ARID3A: variants seen among roughly 807,000 people sequenced by gnomAD.
ARID3A encodes the protein AT-rich interaction domain 3A.
Under a neutral mutation model 52.7 loss-of-function variants are expected in ARID3A, and 11 were observed. That is an observed-to-expected ratio of 0.21 (90% CI 0.13 to 0.35). The LOEUF is 0.35. Ranked by LOEUF, ARID3A falls within the 10% of genes least tolerant of loss-of-function variation. The pLI, the probability that ARID3A is intolerant of heterozygous loss-of-function variation, is 1.00. For synonymous variants in ARID3A, 404 were observed against 359.4 expected, an observed-to-expected ratio of 1.12 and a Z score of -1.40; for missense variants, 721 against 838.5, an observed-to-expected ratio of 0.86 and a Z score of 1.73.
In ARID3A at chr19:947,360, A is replaced by G. The variant is rs113603220; in HGVS notation, c.694-12732A>G. ...TGGGGCTGCCTCCTGCCTCCTCTGC[A>G]CCAACTTTCTGGAAGTGCCTGTCAG... On this transcript the variant is annotated intron_variant, in intron 3 of 8. Coordinates refer to ENST00000263620, the MANE Select transcript of ARID3A (RefSeq NM_005224.3). This position sits in a 1 kb window ranked among gnomAD's most constrained non-coding sequence, Gnocchi z 6.3. Among the ~76,000 whole-genome samples the G allele has an allele frequency of 5.3e-5, 8 of 152,188 alleles. 1 individual carries two copies. Among genetic ancestry groups the G allele is most frequent in the African/African-American group, 1.9e-4 (8 of 41,526 alleles).
At position 944,024 on chromosome 19, in the gene ARID3A, A is replaced by G. The variant is rs1428350309; in HGVS notation, c.693+11282A>G. On this transcript the variant is annotated intron_variant, in intron 3 of 8. Coordinates refer to ENST00000263620, the MANE Select transcript of ARID3A (RefSeq NM_005224.3). The surrounding 1 kb of genome is among the most constrained non-coding windows in gnomAD (Gnocchi z 5.9). ...TGGGCACTTATGGGGCACCTGTTGTATGCCAGCCTGACCCTCTCATGGGCA... is the reference window on the plus strand; with the variant it reads ...TGGGCACTTATGGGGCACCTGTTGTGTGCCAGCCTGACCCTCTCATGGGCA... Among the ~76,000 whole-genome samples, 1 of 143,180 alleles carries G rather than the reference A, an allele frequency of 7.0e-6. No homozygotes were observed. Among genetic ancestry groups the G allele is most frequent in the African/African-American group, 2.7e-5 (1 of 37,360 alleles). 93.9% of individuals were successfully genotyped at this position (143,180 alleles called of 152,430 possible).
chr19:956,118 C>T (rs1434617027), intron 3 of ARID3A, among the ~76,000 whole-genome samples: 1 of 152,154 alleles, frequency 6.6e-6, no homozygotes, highest in Non-Finnish European at 1.5e-5. Context: ...AATAACGTCT[C>T]GTTCTGAGGT....
chr19:934,471 T>G (rs2037398839), intron 3 of ARID3A, among the ~76,000 whole-genome samples: 1 of 152,104 alleles, frequency 6.6e-6, no homozygotes, highest in African/African-American at 2.4e-5. Flanking sequence ...GGGTTGTAGG[T>G]GCCATGTGGG....
chr19:945,414 C>T (rs2037657700), intron 3 of ARID3A, among the ~76,000 whole-genome samples: 1 of 151,862 alleles, frequency 6.6e-6, no homozygotes, highest in African/African-American at 2.4e-5. Flanking sequence ...CCACCTCCGT[C>T]TGCTCCCTAG....
At chr19:970,761 C>T (rs570588374) in intron 8 of ARID3A, among the ~76,000 whole-genome samples, 3 of 152,082 alleles carry the variant, frequency 2.0e-5, no homozygotes, top group South Asian at 4.2e-4. Flanking sequence ...GCATTAGCCA[C>T]CACACCCGGC....
rs765089644 is a variant in ARID3A, at chr19:959,773, G to A, written c.694-319G>A. Among the ~76,000 whole-genome samples the A allele has an allele frequency of 7.2e-5, 11 of 152,200 alleles. 1 individual carries two copies. In the East Asian group the frequency reaches 1.2e-3, roughly 16 times the overall value. On this transcript the variant is annotated intron_variant, in intron 3 of 8. Coordinates refer to ENST00000263620, the MANE Select transcript of ARID3A (RefSeq NM_005224.3). This position sits in a 1 kb window ranked among gnomAD's most constrained non-coding sequence, Gnocchi z 5.0. ...ACGGAGGCAGAGACTGGAGCGCTGC[G>A]GCCACAAGCCAGGACGCACCTTGAT...
chr19:945,762 G>A (rs1460505470), intron 3 of ARID3A, among the ~76,000 whole-genome samples: 2 of 152,180 alleles, frequency 1.3e-5, no homozygotes, highest in African/African-American at 2.4e-5. Context: ...CGACATGGCC[G>A]GGGCAGGCGT....
rs1313144160 is a variant in ARID3A, at chr19:975,564, G to T, written c.*3499G>T. The T allele has an allele frequency of 4.9e-6, 1 of 202,318 alleles. No homozygotes were observed. The highest frequency in any genetic ancestry group is 1.0e-5 in the Non-Finnish European group (1 of 99,038). 12.5% of individuals were successfully genotyped at this position (202,318 alleles called of 1,614,324 possible). The stretch of plus-strand genomic sequence containing the variant: ...CTCTGGAGTTTGTCAGACGGCGTGG[G>T]AACCACGCCTGAAACTCAGGTAATA... On this transcript the variant is annotated 3_prime_UTR_variant, in exon 9 of 9. Coordinates refer to ENST00000263620, the MANE Select transcript of ARID3A (RefSeq NM_005224.3).
rs1445244471 is a variant in ARID3A, at chr19:947,507, G to C, written c.694-12585G>C. Reference sequence around the variant, plus strand: ...CGGTCAGCGTCTCCTCCCTGAGCAAGGGACTCCCCCATCCATGTCTCAGCC... The same window carrying C: ...CGGTCAGCGTCTCCTCCCTGAGCAACGGACTCCCCCATCCATGTCTCAGCC... On this transcript the variant is annotated intron_variant, in intron 3 of 8. Transcript: ENST00000263620. This position sits in a 1 kb window ranked among gnomAD's most constrained non-coding sequence, Gnocchi z 6.3. Among the ~76,000 whole-genome samples the C allele has an allele frequency of 6.6e-6, 1 of 152,140 alleles. No homozygotes were observed. The highest frequency in any genetic ancestry group is 1.5e-5 in the Non-Finnish European group (1 of 68,020).
At position 944,509 on chromosome 19, in the gene ARID3A, G is replaced by T. The variant is rs879870228; in HGVS notation, c.693+11767G>T. On this transcript the variant is annotated intron_variant, in intron 3 of 8. Transcript: ENST00000263620. This position sits in a 1 kb window ranked among gnomAD's most constrained non-coding sequence, Gnocchi z 5.9. ...CCTTGACCCATCTCAGGGGCACCAC[G>T]CTCACTGCTACAAATGTGGGTCTTC... 1.3e-5 allele frequency among the ~76,000 whole-genome samples: 2 copies of T among 152,136 alleles called. No individual in the cohort carries two copies. Among genetic ancestry groups the T allele is most frequent in the African/African-American group, 2.4e-5 (1 of 41,428 alleles).
chr19:948,433 C>T (rs978757744), intron 3 of ARID3A, among the ~76,000 whole-genome samples: 2 of 152,136 alleles, frequency 1.3e-5, no homozygotes, highest in Admixed American at 6.5e-5. Context: ...CCCGGGGCCG[C>T]GGTCCTGCGG....
chr19:937,784 G>A (rs1017437916), intron 3 of ARID3A, among the ~76,000 whole-genome samples: 2 of 140,094 alleles, frequency 1.4e-5, no homozygotes, highest in African/African-American at 5.4e-5. Flanking sequence ...TCGGCTCACT[G>A]CAACCTCCAC....
rs140797776 is a variant in ARID3A, at chr19:968,451, C to T, written c.1542C>T (p.Asn514=). ...QDSAVNLTGT[N]GSNSISMSVE... ...CTGCTGTGAACCTGACGGGCACCAA[C>T]GGCAGCAACAGCATCAGCATGTCGG... The change falls in exon 8 of 9, where the codon AAC becomes AAT. Residue 514 remains asparagine (N), a synonymous_variant. Transcript: ENST00000263620. The T allele has an allele frequency of 1.1e-3, 1,698 of 1,613,966 alleles. No individual in the cohort carries two copies. The highest frequency in any genetic ancestry group is 1.4e-3 in the Non-Finnish European group (1,625 of 1,179,974).
At position 975,153 on chromosome 19, in the gene ARID3A, G is replaced by A. The variant is rs575805396; in HGVS notation, c.*3088G>A. ...GCACCCCCCCTTATGCAGACTGGGA[G>A]GGGGTCGGGCAGTCCCCTCAGCCAC... On this transcript the variant is annotated 3_prime_UTR_variant, in exon 9 of 9. Coordinates refer to ENST00000263620, the MANE Select transcript of ARID3A (RefSeq NM_005224.3). 307 of 231,626 alleles carry A rather than the reference G, an allele frequency of 1.3e-3. 2 individuals are homozygous for A. The highest frequency in any genetic ancestry group is 0.012 in the Middle Eastern group (9 of 766). The allele number at this position is 231,626 out of a possible 1,614,324, so 14.3% of individuals were successfully genotyped here. A position where few individuals can be genotyped will look rare whatever the true frequency, so the allele number is the denominator to read the frequency against.
chr19:967,767 G>A (rs960573594), intron 7 of ARID3A, among the ~76,000 whole-genome samples: 18 of 152,280 alleles, frequency 1.2e-4, no homozygotes, highest in African/African-American at 3.9e-4. Context: ...AGTTTTGGTC[G>A]GGCGCGGTGG....
chr19:956,990 C>G (rs527971839), intron 3 of ARID3A, among the ~76,000 whole-genome samples: 19 of 152,332 alleles, frequency 1.2e-4, no homozygotes, highest in African/African-American at 3.4e-4. Flanking sequence ...CACATTCCCC[C>G]GAGCTTAATT....
At chr19:935,568 C>T (rs1380901389) in intron 3 of ARID3A, among the ~76,000 whole-genome samples, 1 of 152,178 alleles carries the variant, frequency 6.6e-6, no homozygotes, top group Non-Finnish European at 1.5e-5. Context: ...GCCTCGATCT[C>T]CTGGGTTCAA....
intron 3 of ARID3A, among the ~76,000 whole-genome samples, chr19:936,413 G>C (rs570056714): frequency 6.6e-6 from 1 of 152,108 alleles, no homozygotes; most frequent in Non-Finnish European, 1.5e-5. Context: ...GTGTGGTGGC[G>C]CACACCTGTA....
Position 974,500 on chromosome 19 carries a change from G to C in ARID3A, c.*2435G>C, listed in dbSNP as rs893797082. On this transcript the variant is annotated 3_prime_UTR_variant, in exon 9 of 9. Transcript: ENST00000263620. The stretch of plus-strand genomic sequence containing the variant: ...GTCCCACGCCTGGGCCCCGCGCCGG[G>C]GGAAGCGCCTGCTGCCTATCTCTGT... The C allele has an allele frequency of 4.3e-6, 1 of 230,932 alleles. No individual in the cohort carries two copies. The highest frequency in any genetic ancestry group is 2.2e-5 in the African/African-American group (1 of 45,168). 14.3% of individuals were successfully genotyped at this position (230,932 alleles called of 1,614,324 possible). A position where few individuals can be genotyped will look rare whatever the true frequency, so the allele number is the denominator to read the frequency against.
Sources: gnomAD v4.1 joint callset for allele counts (sites outside exome capture counted in the v4.1 genomes callset) on GRCh38, gnomAD v4.1.1 for gene constraint, Gnocchi (gnomAD v3.1) non-coding constraint, MANE v1.5 for transcripts, NCBI Gene and HGNC (gene_info 2026-07-23, HGNC 2026-07-21) for gene names.